Variants in CLMP observed in about 807,000 individuals in gnomAD.
The protein encoded by CLMP is CXADR like cell adhesion molecule.
Under a neutral mutation model 45.2 loss-of-function variants are expected in CLMP, and 27 were observed. The ratio of observed to expected loss-of-function variants is 0.60; its 90% CI spans 0.44 to 0.82. The LOEUF is 0.82. Ranked by LOEUF, CLMP falls within the 40% of genes least tolerant of loss-of-function variation. The pLI is 0.00. For synonymous variants in CLMP, 167 were observed against 171.4 expected (o/e 0.97, Z 0.20); for missense variants, 403 against 448.4 (o/e 0.90, Z 0.91).
intron 2 of CLMP, among the ~76,000 whole-genome samples, chr11:123,096,556 C>G (rs533572386): frequency 2.4e-4 from 36 of 152,090 alleles, no homozygotes; most frequent in Non-Finnish European, 2.4e-4. Flanking sequence ...AATAAACCTA[C>G]TCAGGTTAAA....
chr11:123,129,759 T>G (rs2135507557), intron 1 of CLMP, among the ~76,000 whole-genome samples: 1 of 149,490 alleles, frequency 6.7e-6, no homozygotes, highest in East Asian at 1.9e-4. Context: ...GACCACTTTA[T>G]CTTATACATC....
At chr11:123,087,996 C>T (rs938282087) in intron 2 of CLMP, among the ~76,000 whole-genome samples, 2 of 151,826 alleles carry the variant, frequency 1.3e-5, no homozygotes, top group East Asian at 3.9e-4. Context: ...CCACAACCTC[C>T]GCCTCCCGGG....
chr11:123,106,847 C>T (rs542853910), intron 1 of CLMP, among the ~76,000 whole-genome samples: 11 of 151,782 alleles, frequency 7.2e-5, no homozygotes, highest in African/African-American at 2.4e-4. Context: ...AGTGAAACCC[C>T]GTCTCTACTA....
At chr11:123,191,976 A>G (rs1361652251) in intron 1 of CLMP, among the ~76,000 whole-genome samples, 2 of 152,256 alleles carry the variant, frequency 1.3e-5, no homozygotes, top group African/African-American at 4.8e-5. Flanking sequence ...AAAGAAAAAA[A>G]GTATATTCAG....
Position 123,072,585 on chromosome 11 carries a change from C to G in CLMP, c.*889G>C, listed in dbSNP as rs774509611. 1 of 152,116 alleles carries G rather than the reference C, an allele frequency of 6.6e-6. No homozygotes were observed. The highest frequency in any genetic ancestry group is 1.9e-4 in the East Asian group (1 of 5,198). 9.4% of individuals were successfully genotyped at this position (152,116 alleles called of 1,614,324 possible). A position where few individuals can be genotyped will look rare whatever the true frequency, so the allele number is the denominator to read the frequency against. On this transcript the variant is annotated 3_prime_UTR_variant, in exon 7 of 7. Transcript: ENST00000448775. ...TCAGCATTCCTAGATCCCTTTTTCT[C>G]TAGAAGAATTCTTTCTAAGGACGTT...
intron 1 of CLMP, among the ~76,000 whole-genome samples, chr11:123,112,190 T>C (rs193102827): frequency 5.3e-5 from 8 of 152,246 alleles, no homozygotes; most frequent in Non-Finnish European, 1.2e-4. Context: ...AGCTTAAAGT[T>C]TAGTTTTTGT....
chr11:123,121,753 C>T (rs1860822134), intron 1 of CLMP, among the ~76,000 whole-genome samples: 1 of 152,192 alleles, frequency 6.6e-6, no homozygotes, highest in Admixed American at 6.5e-5. Flanking sequence ...ACTGGGGTTT[C>T]AGCCACTGTG....
intron 1 of CLMP, among the ~76,000 whole-genome samples, chr11:123,194,470 T>C (rs1281522248): frequency 6.6e-6 from 1 of 151,930 alleles, no homozygotes; most frequent in African/African-American, 2.4e-5. Context: ...CCCTTTCCTC[T>C]CCAACCCTGC....
At chr11:123,150,558 A>C (rs1861319271) in intron 1 of CLMP, among the ~76,000 whole-genome samples, 1 of 140,144 alleles carries the variant, frequency 7.1e-6, no homozygotes, top group Non-Finnish European at 1.6e-5. Flanking sequence ...GAAGGAAGGA[A>C]GGAAAGGAAG....
intron 2 of CLMP, 23 bp from the exon 3 acceptor site, chr11:123,084,736 G>C (rs1325189699): frequency 1.4e-5 from 23 of 1,602,736 alleles, no homozygotes; most frequent in Non-Finnish European, 1.9e-5. Context: ...CCGAGGCAGA[G>C]TCAAGCAGCG....
At chr11:123,079,100 T>C (rs551512951) in intron 5 of CLMP, among the ~76,000 whole-genome samples, 3 of 152,254 alleles carry the variant, frequency 2.0e-5, no homozygotes, top group African/African-American at 7.2e-5. Context: ...TTAATCATGA[T>C]ACTGGTTACA....
rs141518433 is a variant in CLMP at position 123,151,767 on chromosome 11, C to A, written c.28+43146G>T. 8.3e-3 allele frequency among the ~76,000 whole-genome samples: 1,259 copies of A among 152,308 alleles called. 10 individuals carry two copies. Among genetic ancestry groups the A allele is most frequent in the Non-Finnish European group, 0.013 (904 of 68,038 alleles). ...ATAGGAACCAAATAAATGCATTACC[C>A]TTCCAGGGGCCTTTTTGCTTATTTC... On this transcript the variant is annotated intron_variant, in intron 1 of 6. Coordinates refer to ENST00000448775, the MANE Select transcript of CLMP (RefSeq NM_024769.5).
intron 1 of CLMP, among the ~76,000 whole-genome samples, chr11:123,153,099 C>T (rs530465871): frequency 7.9e-5 from 12 of 152,260 alleles, no homozygotes; most frequent in African/African-American, 2.9e-4. Context: ...AGAGCAGTGA[C>T]ATTAAATGTA....
intron 1 of CLMP, among the ~76,000 whole-genome samples, chr11:123,150,480 A>AAAGAAAGAAAAAGGAAGGAAGG (rs764502298): frequency 2.2e-4 from 9 of 40,962 alleles, no homozygotes; most frequent in Non-Finnish European, 3.3e-4. Flanking sequence ...AGAAAGAAAG[A>AAAGAAAGAAAAAGGAAGGAAGG]AAGGAAGGAA....
chr11:123,074,479 G>T (rs1301900703), intron 6 of CLMP, among the ~76,000 whole-genome samples: 2 of 152,076 alleles, frequency 1.3e-5, no homozygotes, highest in African/African-American at 4.8e-5. Flanking sequence ...ACCACGCCCA[G>T]CCTAATTTAA....
chr11:123,178,036 T>TAGTAGAGA (rs1407913222), intron 1 of CLMP, among the ~76,000 whole-genome samples: 4 of 152,006 alleles, frequency 2.6e-5, no homozygotes, highest in Non-Finnish European at 4.4e-5. Flanking sequence ...CTAATTTTTT[T>TAGTAGAGA]TGTATTTTTA....
intron 1 of CLMP, among the ~76,000 whole-genome samples, chr11:123,135,193 G>A (rs1246173473): frequency 6.7e-6 from 1 of 149,954 alleles, no homozygotes; most frequent in Non-Finnish European, 1.5e-5. Context: ...CCGGGAGACA[G>A]AGGTTGCAGT....
At chr11:123,125,371 A>T (rs1023404035) in intron 1 of CLMP, among the ~76,000 whole-genome samples, 9 of 151,958 alleles carry the variant, frequency 5.9e-5, no homozygotes, top group Non-Finnish European at 1.2e-4. Context: ...TGCCTACAAG[A>T]TCAAGAGGAG....
chr11:123,126,896 TAA>T (rs896078765), intron 1 of CLMP, among the ~76,000 whole-genome samples: 3 of 141,166 alleles, frequency 2.1e-5, no homozygotes. Flanking sequence ...GACTCCATCT[TAA>T]AAAAAAAAAA....
Sources: gnomAD v4.1 joint callset for allele counts (sites outside exome capture counted in the v4.1 genomes callset) on GRCh38, gnomAD v4.1.1 for gene constraint, MANE v1.5 for transcripts, NCBI Gene and HGNC (gene_info 2026-07-23, HGNC 2026-07-21) for gene names.